NYAP2: variants seen among roughly 807,000 people sequenced by gnomAD.
NYAP2 encodes neuronal tyrosine-phosphorylated phosphoinositide-3-kinase adaptor 2.
NYAP2 carries 23 observed loss-of-function variants against 50.4 expected under a neutral mutation model. The observed-to-expected ratio is 0.46, with a 90% CI of 0.33 to 0.65. The LOEUF (loss-of-function observed/expected upper bound fraction) is 0.65, where lower values mean the gene tolerates loss of function less well. Ranked by LOEUF, NYAP2 falls within the 30% of genes least tolerant of loss-of-function variation. The pLI, the probability that NYAP2 is intolerant of heterozygous loss-of-function variation, is 0.02. For missense variants in NYAP2, 885 were observed against 861.0 expected, an observed-to-expected ratio of 1.03 and a Z score of -0.35; for synonymous variants, 394 against 365.2, an observed-to-expected ratio of 1.08 and a Z score of -0.90.
chr2:225,618,032 G>A (rs770410018), intron 5 of NYAP2, among the ~76,000 whole-genome samples: 3 of 152,092 alleles, frequency 2.0e-5, no homozygotes, highest in Non-Finnish European at 2.9e-5. Flanking sequence ...ACTGTGACAA[G>A]TCACATCAGA....
chr2:225,700,295 GC>G, the NYAP2 span: 1 of 150,944 alleles, frequency 6.6e-6, no homozygotes, highest in African/African-American at 2.4e-5. Flanking sequence ...GTGTCTGTGA[GC>G]GTGCGTGCAT....
At chr2:225,548,990 C>T (rs1691629641) in intron 4 of NYAP2, among the ~76,000 whole-genome samples, 1 of 151,928 alleles carries the variant, frequency 6.6e-6, no homozygotes, top group Admixed American at 6.6e-5. Context: ...AAGCGATCCT[C>T]CTGCCTCAGC....
chr2:225,502,299 T>C (rs1358299277), intron 3 of NYAP2, among the ~76,000 whole-genome samples: 1 of 152,174 alleles, frequency 6.6e-6, no homozygotes, highest in African/African-American at 2.4e-5. Context: ...GATTACTGGT[T>C]CCAACAGGGA....
intron 3 of NYAP2, among the ~76,000 whole-genome samples, chr2:225,507,240 C>T (rs1483935675): frequency 6.6e-6 from 1 of 152,156 alleles, no homozygotes; most frequent in Admixed American, 6.5e-5. Context: ...AACTCTACTA[C>T]AAAATATTGA....
intron 5 of NYAP2, among the ~76,000 whole-genome samples, chr2:225,584,808 G>T (rs1660157484): frequency 6.6e-6 from 1 of 152,184 alleles, no homozygotes; most frequent in African/African-American, 2.4e-5. Context: ...AGGCATGTCT[G>T]GAGTTATATG....
At chr2:225,467,165 A>G (rs1689934055) in intron 3 of NYAP2, among the ~76,000 whole-genome samples, 1 of 152,106 alleles carries the variant, frequency 6.6e-6, no homozygotes, top group South Asian at 2.1e-4. Context: ...AGTTGTACGC[A>G]TACTCACTTG....
At chr2:225,481,269 C>T (rs547449897) in intron 3 of NYAP2, among the ~76,000 whole-genome samples, 166 of 152,138 alleles carry the variant, frequency 1.1e-3, no homozygotes, top group African/African-American at 3.6e-3. Flanking sequence ...GTGTTTACAT[C>T]CATGGTCAAA....
downstream of NYAP2, among the ~76,000 whole-genome samples, chr2:225,655,508 T>C (rs558036597): frequency 5.7e-4 from 87 of 152,322 alleles, no homozygotes; most frequent in Non-Finnish European, 2.2e-4. Flanking sequence ...ACAGGAGTCA[T>C]GTATTATACT....
intron 3 of NYAP2, among the ~76,000 whole-genome samples, chr2:225,409,761 C>T (rs1695002906): frequency 6.6e-6 from 1 of 152,026 alleles, no homozygotes. Context: ...AAGAAGAATG[C>T]ATATCTTTTG....
At chr2:225,530,477 A>G (rs548341469) in intron 4 of NYAP2, among the ~76,000 whole-genome samples, 1 of 152,264 alleles carries the variant, frequency 6.6e-6, no homozygotes, top group South Asian at 2.1e-4. Context: ...ATTTTAGACT[A>G]TGAACCTCCA....
the NYAP2 span, among the ~76,000 whole-genome samples, chr2:225,688,710 ACTGTCTC>A: frequency 6.6e-6 from 1 of 152,340 alleles, no homozygotes; most frequent in East Asian, 1.9e-4. Context: ...TTCATCTTAT[ACTGTCTC>A]CTCAGAAAAT....
intron 5 of NYAP2, among the ~76,000 whole-genome samples, chr2:225,604,571 TA>T (rs1445822527): frequency 1.3e-5 from 2 of 152,172 alleles, no homozygotes; most frequent in African/African-American, 4.8e-5. Flanking sequence ...GATCAATATT[TA>T]AATATATTTC....
intron 6 of NYAP2, among the ~76,000 whole-genome samples, chr2:225,635,464 G>A (rs766282944): frequency 2.6e-5 from 4 of 152,054 alleles, no homozygotes; most frequent in East Asian, 1.9e-4. Context: ...GTACAAAGCC[G>A]GTTTATAACA....
chr2:225,622,306 A>C (rs1693118525), intron 5 of NYAP2, among the ~76,000 whole-genome samples: 1 of 152,188 alleles, frequency 6.6e-6, no homozygotes. Context: ...TGCTGGGATC[A>C]CAGGCGTGAG....
chr2:225,689,449 T>C, the NYAP2 span, among the ~76,000 whole-genome samples: 1 of 152,146 alleles, frequency 6.6e-6, no homozygotes, highest in Non-Finnish European at 1.5e-5. Context: ...TACCTAGCAA[T>C]TGATCAGAGA....
chr2:225,421,419 T>G (rs1223242561), intron 3 of NYAP2, among the ~76,000 whole-genome samples: 2 of 152,180 alleles, frequency 1.3e-5, no homozygotes, highest in Non-Finnish European at 2.9e-5. Context: ...TATTTTATTT[T>G]ACTTAGGGGA....
the NYAP2 span, among the ~76,000 whole-genome samples, chr2:225,692,285 G>A: frequency 6.6e-6 from 1 of 151,924 alleles, no homozygotes; most frequent in Non-Finnish European, 1.5e-5. Flanking sequence ...TTCTCTTTAT[G>A]ATTTATCTAC....
At chr2:225,601,464 C>T (rs74475346) in intron 5 of NYAP2, among the ~76,000 whole-genome samples, 2,514 of 152,150 alleles carry the variant, frequency 0.017, 66 homozygotes, top group African/African-American at 0.058. Context: ...GAGAAACCTA[C>T]GTACTGTTTT....
Position 225,614,053 on chromosome 2 carries a change from A to G in NYAP2, c.1619-12864A>G, listed in dbSNP as rs1470642543. 2.0e-5 allele frequency among the ~76,000 whole-genome samples: 3 copies of G among 152,182 alleles called. 1 individual carries two copies. Among genetic ancestry groups the G allele is most frequent in the Non-Finnish European group, 4.4e-5 (3 of 68,026 alleles). ...TAGGAAAATTCTTACAGTTTGTTTCAAATCCACGATTGTATCTGAGAAAAC... is the reference window on the plus strand; with the variant it reads ...TAGGAAAATTCTTACAGTTTGTTTCGAATCCACGATTGTATCTGAGAAAAC... On this transcript the variant is annotated intron_variant, in intron 5 of 6. Transcript: ENST00000636099.
Sources: allele counts gnomAD v4.1 joint callset (sites outside exome capture counted in the v4.1 genomes callset), GRCh38; gene constraint gnomAD v4.1.1; transcripts MANE v1.5; gene names NCBI Gene and HGNC (gene_info 2026-07-23, HGNC 2026-07-21).